NSUN6: variants seen among roughly 807,000 people sequenced by gnomAD.
NSUN6 encodes the protein tRNA (cytosine(72)-C(5))-methyltransferase NSUN6.
NSUN6 carries 64 observed loss-of-function variants against 58.0 expected under a neutral mutation model. The ratio of observed to expected loss-of-function variants is 1.10; its 90% CI spans 0.90 to 1.36. The LOEUF (loss-of-function observed/expected upper bound fraction) is 1.36, where lower values mean the gene tolerates loss of function less well. NSUN6 is among the 40% of genes most tolerant of loss of function. The pLI is 0.00. For missense variants in NSUN6, 701 were observed against 550.1 expected, an observed-to-expected ratio of 1.27 and a Z score of -2.74; for synonymous variants, 231 against 193.9, an observed-to-expected ratio of 1.19 and a Z score of -1.59.
intron 8 of NSUN6, among the ~76,000 whole-genome samples, chr10:18,568,140 C>T (rs2056100610): frequency 6.7e-6 from 1 of 150,324 alleles, no homozygotes; most frequent in Non-Finnish European, 1.5e-5. Context: ...CATTACATTT[C>T]TCATGCCATT....
At chr10:18,653,357 G>T, upstream of NSUN6, 1 of 979,186 alleles carries the variant, frequency 1.0e-6, no homozygotes, top group Non-Finnish European at 1.2e-6. Context: ...CACACGGACA[G>T]AATTGAGGAC....
At chr10:18,553,740 A>T (rs1017428864) in intron 8 of NSUN6, among the ~76,000 whole-genome samples, 3 of 151,356 alleles carry the variant, frequency 2.0e-5, no homozygotes, top group African/African-American at 7.3e-5. Context: ...TGGAGAATGG[A>T]ATAGAATGCT....
intron 8 of NSUN6, among the ~76,000 whole-genome samples, chr10:18,555,273 A>AAATGGAATGAAG (rs2054907401): frequency 1.4e-5 from 2 of 147,874 alleles, no homozygotes; most frequent in Non-Finnish European, 3.0e-5. Flanking sequence ...AATGTGAATG[A>AAATGGAATGAAG]AATGGAATGA....
chr10:18,627,500 C>T (rs951094792), intron 3 of NSUN6, among the ~76,000 whole-genome samples: 1 of 152,130 alleles, frequency 6.6e-6, no homozygotes, highest in Non-Finnish European at 1.5e-5. Flanking sequence ...TCTGAGGTAC[C>T]GGGTTCATCT....
chr10:18,549,411 G>A (rs1042209429), intron 9 of NSUN6, among the ~76,000 whole-genome samples: 1 of 152,120 alleles, frequency 6.6e-6, no homozygotes, highest in Non-Finnish European at 1.5e-5. Flanking sequence ...TGTATGTCAC[G>A]TTCCCGGGCA....
chr10:18,558,132 G>A (rs1457372254), intron 8 of NSUN6, among the ~76,000 whole-genome samples: 4 of 151,412 alleles, frequency 2.6e-5, no homozygotes, highest in Non-Finnish European at 4.4e-5. Context: ...GAATGGAATG[G>A]AATGCGAATA....
At chr10:18,642,382 G>A in intron 3 of NSUN6, 94 bp downstream of exon 3, 1 of 669,704 alleles carries the variant, frequency 1.5e-6, no homozygotes, top group Non-Finnish European at 2.7e-6. Context: ...GCTAACAATG[G>A]AGAAACTTAG....
At chr10:18,584,316 C>T (rs533045980) in intron 8 of NSUN6, among the ~76,000 whole-genome samples, 15 of 152,290 alleles carry the variant, frequency 9.8e-5, no homozygotes, top group Admixed American at 2.6e-4. Flanking sequence ...TAAAAGTTTC[C>T]GCTTTCTGCT....
chr10:18,551,042 A>T (rs7097001), intron 9 of NSUN6, among the ~76,000 whole-genome samples: 59,136 of 151,542 alleles, frequency 0.39, 11,667 homozygotes, highest in Admixed American at 0.43. Flanking sequence ...CTATTTTTTT[A>T]AAAAAAAGAG....
In NSUN6 at chr10:18,593,229, A is replaced by G. The variant is rs542075831; in HGVS notation, c.777+2979T>C. On this transcript the variant is annotated intron_variant, in intron 7 of 10. Transcript: ENST00000377304. ...CAGATGCTGGCAAGGATGTGGAGAA[A>G]TAGGAGAAATAGCCTTTACACTGTT... Among the ~76,000 whole-genome samples the G allele has an allele frequency of 1.2e-4, 18 of 152,354 alleles. No individual in the cohort carries two copies. The East Asian group carries it at 3.5e-3, about 29-fold the overall frequency.
chr10:18,600,988 A>G (rs1386556639), intron 6 of NSUN6, among the ~76,000 whole-genome samples: 23 of 135,746 alleles, frequency 1.7e-4, no homozygotes, highest in Non-Finnish European at 2.6e-4. Context: ...GTATATATAT[A>G]TATATTATAT....
rs1396674276 is a variant in NSUN6, at chr10:18,554,180, TGGAATGGAATGG to T, written c.923-2221_923-2210del. Among the ~76,000 whole-genome samples the T allele has an allele frequency of 1.1e-4, 16 of 148,586 alleles. No homozygotes were observed. In the East Asian group the frequency reaches 3.2e-3, roughly 30 times the overall value. ...ATGCGGAATGGAATGGAATCAAGAA[TGGAATGGAATGG>T]GGAATGGAATGGAATGCAGAATGAT... On this transcript the variant is annotated intron_variant, in intron 8 of 10. Coordinates refer to ENST00000377304, the MANE Select transcript of NSUN6 (RefSeq NM_182543.5).
intron 7 of NSUN6, among the ~76,000 whole-genome samples, chr10:18,595,629 G>A (rs917869380): frequency 6.6e-6 from 1 of 152,114 alleles, no homozygotes; most frequent in African/African-American, 2.4e-5. Context: ...AAGCAGGCAA[G>A]TATATCCTCT....
chr10:18,587,942 G>C (rs1292918645), intron 7 of NSUN6, among the ~76,000 whole-genome samples: 2 of 152,106 alleles, frequency 1.3e-5, no homozygotes, highest in African/African-American at 4.8e-5. Flanking sequence ...TACTCCCCTG[G>C]AAAGGGGGCT....
At chr10:18,618,981 A>G (rs1393285899) in intron 3 of NSUN6, among the ~76,000 whole-genome samples, 1 of 152,178 alleles carries the variant, frequency 6.6e-6, no homozygotes, top group African/African-American at 2.4e-5. Flanking sequence ...CTACAGCCAT[A>G]TCACTCTGAA....
In NSUN6 at chr10:18,575,254, T is replaced by C. The variant is rs149443038; in HGVS notation, c.922+10695A>G. 4.1e-4 allele frequency among the ~76,000 whole-genome samples: 62 copies of C among 152,266 alleles called. 2 individuals carry two copies. The East Asian group carries it at 0.01, about 26-fold the overall frequency. On this transcript the variant is annotated intron_variant, in intron 8 of 10. Coordinates refer to ENST00000377304, the MANE Select transcript of NSUN6 (RefSeq NM_182543.5). ...AGGTTATAAATAGTTGCTTAGTATATAAGAAAACTAAGAAACTATAAAAAG... is the reference window on the plus strand; with the variant it reads ...AGGTTATAAATAGTTGCTTAGTATACAAGAAAACTAAGAAACTATAAAAAG...
At chr10:18,636,618 G>A (rs2059222958) in intron 3 of NSUN6, among the ~76,000 whole-genome samples, 1 of 152,078 alleles carries the variant, frequency 6.6e-6, no homozygotes. Flanking sequence ...AATGGGCTGG[G>A]CACAGTGGCT....
chr10:18,588,627 C>T (rs1035960696), intron 7 of NSUN6, among the ~76,000 whole-genome samples: 8 of 152,148 alleles, frequency 5.3e-5, no homozygotes, highest in East Asian at 1.9e-4. Flanking sequence ...TGGTGATACC[C>T]AGTCAAACAG....
intron 8 of NSUN6, among the ~76,000 whole-genome samples, chr10:18,571,290 CCTT>C (rs1488676020): frequency 1.3e-5 from 2 of 149,180 alleles, no homozygotes; most frequent in South Asian, 4.2e-4. Context: ...CATTCCATTC[CCTT>C]CTTTTCTCCA....
Sources: allele counts gnomAD v4.1 joint callset (sites outside exome capture counted in the v4.1 genomes callset), GRCh38; gene constraint gnomAD v4.1.1; transcripts MANE v1.5; gene names NCBI Gene and HGNC (gene_info 2026-07-23, HGNC 2026-07-21).